The following ASTN1 variants were observed in gnomAD, a reference collection of about 807,000 sequenced individuals.
ASTN1 encodes astrotactin-1.
Under a neutral mutation model 140.7 loss-of-function variants are expected in ASTN1, and 41 were observed. That is an observed-to-expected ratio of 0.29 (90% CI 0.23 to 0.38). The LOEUF (loss-of-function observed/expected upper bound fraction) is 0.38, where lower values mean the gene tolerates loss of function less well. Among genes scored for constraint, ASTN1 ranks in the 10% least tolerant of loss-of-function variants. The pLI is 1.00. For missense variants in ASTN1, 1,479 were observed against 1,678.8 expected, an observed-to-expected ratio of 0.88 and a Z score of 2.08; for synonymous variants, 640 against 652.2, an observed-to-expected ratio of 0.98 and a Z score of 0.29.
rs753783082 is a variant in ASTN1, at chr1:176,894,656, G to A, written c.2846C>T (p.Thr949Ile). The part of the protein sequence containing the change: ...CPSSCPLCHV[T>I]SSPDTPAEPV... ...CTCAGCAGGGGTGTCAGGGCTGGATGTCACATGACACAGGGGGCAGGACGA... is the reference window on the plus strand; with the variant it reads ...CTCAGCAGGGGTGTCAGGGCTGGATATCACATGACACAGGGGGCAGGACGA... Residue 949 changes from threonine to isoleucine, a missense_variant, in exon 17 of 23, where the codon ACA (threonine) becomes ATA (isoleucine). Transcript: ENST00000361833. 1.8e-5 allele frequency: 29 copies of A among 1,614,030 alleles called. 1 individual carries two copies. The South Asian group carries it at 2.2e-4, about 12-fold the overall frequency.
At chr1:176,983,523 A>G (rs1673730497) in intron 8 of ASTN1, among the ~76,000 whole-genome samples, 1 of 152,160 alleles carries the variant, frequency 6.6e-6, no homozygotes, top group Non-Finnish European at 1.5e-5. Flanking sequence ...ATTTGTAAAC[A>G]CCATTTTTAT....
intron 1 of ASTN1, among the ~76,000 whole-genome samples, chr1:177,080,216 G>A (rs1679110557): frequency 8.1e-6 from 1 of 123,666 alleles, no homozygotes; most frequent in African/African-American, 3.2e-5. Flanking sequence ...CTTCCTAAGT[G>A]TCTCTTCATT....
chr1:176,888,326 G>A (rs576119324), intron 17 of ASTN1, 122 bp from the exon 18 acceptor site: 55 of 1,164,068 alleles, frequency 4.7e-5, no homozygotes, highest in South Asian at 3.1e-4. Context: ...AGGTTGTGTC[G>A]CCACTTTATC....
intron 16 of ASTN1, among the ~76,000 whole-genome samples, chr1:176,923,085 C>T (rs920365190): frequency 1.3e-5 from 2 of 152,150 alleles, no homozygotes; most frequent in Non-Finnish European, 1.5e-5. Flanking sequence ...TCAAGAACCA[C>T]ATCTAATAAA....
chr1:176,985,240 G>A (rs1488479983), intron 8 of ASTN1, among the ~76,000 whole-genome samples: 1 of 152,138 alleles, frequency 6.6e-6, no homozygotes, highest in African/African-American at 2.4e-5. Context: ...AATTATCAGT[G>A]AGGAAGACCC....
At chr1:177,050,572 A>G (rs1026630136) in intron 2 of ASTN1, among the ~76,000 whole-genome samples, 1 of 152,182 alleles carries the variant, frequency 6.6e-6, no homozygotes. Context: ...TGACTTTCCT[A>G]GATTTATTAT....
intron 1 of ASTN1, among the ~76,000 whole-genome samples, chr1:177,119,216 C>T (rs372535007): frequency 1.7e-4 from 26 of 152,288 alleles, no homozygotes; most frequent in African/African-American, 4.3e-4. Context: ...TCAATGTCAA[C>T]GACTGTGCCT....
intron 8 of ASTN1, among the ~76,000 whole-genome samples, chr1:176,989,207 A>G (rs1674047488): frequency 6.6e-6 from 1 of 152,216 alleles, no homozygotes; most frequent in Non-Finnish European, 1.5e-5. Context: ...TGGGGAAAGA[A>G]TTCTGACAGG....
At chr1:176,965,607 A>C (rs1672843339) in intron 8 of ASTN1, among the ~76,000 whole-genome samples, 1 of 151,938 alleles carries the variant, frequency 6.6e-6, no homozygotes, top group Non-Finnish European at 1.5e-5. Flanking sequence ...ATTTCTTGGG[A>C]ATCAGACAGT....
intron 17 of ASTN1, among the ~76,000 whole-genome samples, chr1:176,888,606 ATG>A (rs1279375580): frequency 6.6e-6 from 1 of 152,106 alleles, no homozygotes; most frequent in African/African-American, 2.4e-5. Flanking sequence ...CTTTTCCCAA[ATG>A]CTTCTCTGTG....
intron 22 of ASTN1, among the ~76,000 whole-genome samples, chr1:176,867,162 CA>C (rs573305629): frequency 5.9e-5 from 9 of 152,120 alleles, no homozygotes; most frequent in Non-Finnish European, 1.2e-4. Context: ...TCTTGAGTCA[CA>C]AAAGAGAAAT....
chr1:176,930,656 T>A (rs1005227938), intron 16 of ASTN1, among the ~76,000 whole-genome samples: 2 of 152,180 alleles, frequency 1.3e-5, no homozygotes, highest in African/African-American at 2.4e-5. Flanking sequence ...CTGAGATACA[T>A]GGGATGGTCA....
chr1:177,050,204 T>C (rs1233997072), intron 2 of ASTN1, among the ~76,000 whole-genome samples: 1 of 152,150 alleles, frequency 6.6e-6, no homozygotes, highest in African/African-American at 2.4e-5. Flanking sequence ...ATGGAGGAAA[T>C]GAAGGTTGAA....
intron 14 of ASTN1, among the ~76,000 whole-genome samples, chr1:176,942,640 T>C (rs897069976): frequency 1.3e-5 from 2 of 151,270 alleles, no homozygotes; most frequent in Admixed American, 6.6e-5. Flanking sequence ...CACTGCTCAC[T>C]GAGATAATTG....
intron 16 of ASTN1, among the ~76,000 whole-genome samples, chr1:176,931,544 C>T (rs1365963615): frequency 1.5e-4 from 23 of 152,160 alleles, no homozygotes; most frequent in Admixed American, 1.5e-3. Context: ...AGATGATCCT[C>T]AATGTTGGTA....
intron 1 of ASTN1, among the ~76,000 whole-genome samples, chr1:177,098,085 G>T (rs1172122642): frequency 1.3e-5 from 2 of 152,158 alleles, no homozygotes; most frequent in Non-Finnish European, 2.9e-5. Context: ...TATCAAACTT[G>T]AAGGAGAGGG....
intron 8 of ASTN1, among the ~76,000 whole-genome samples, chr1:176,987,773 G>A (rs1216588007): frequency 2.0e-5 from 3 of 152,178 alleles, no homozygotes; most frequent in Admixed American, 6.5e-5. Flanking sequence ...AGTGAGAGCA[G>A]TTAGGAAGAT....
intron 1 of ASTN1, among the ~76,000 whole-genome samples, chr1:177,102,803 A>G (rs1680364638): frequency 6.6e-6 from 1 of 152,216 alleles, no homozygotes; most frequent in Admixed American, 6.5e-5. Flanking sequence ...TTTAGACCCA[A>G]GAATAAATTA....
At chr1:177,000,948 G>C (rs1436506204) in intron 8 of ASTN1, among the ~76,000 whole-genome samples, 1 of 152,096 alleles carries the variant, frequency 6.6e-6, no homozygotes, top group Admixed American at 6.6e-5. Context: ...AATTGTCAGC[G>C]ATTCAGCTGG....
Sources: allele counts gnomAD v4.1 joint callset (sites outside exome capture counted in the v4.1 genomes callset), GRCh38; gene constraint gnomAD v4.1.1; transcripts MANE v1.5; gene names NCBI Gene and HGNC (gene_info 2026-07-23, HGNC 2026-07-21).